Variants in ADGRF1 observed in about 807,000 individuals in gnomAD.
ADGRF1 encodes the protein G protein-coupled receptor 110.
In ADGRF1, 85 loss-of-function variants were observed where a neutral mutation model predicts 87.2. That is an observed-to-expected ratio of 0.97 (90% CI 0.82 to 1.17). ADGRF1 has a LOEUF of 1.17. ADGRF1 is among the 50% of genes most tolerant of loss of function. The pLI is 0.00. For synonymous variants in ADGRF1, 430 were observed against 408.8 expected (o/e 1.05, Z -0.63); for missense variants, 1,169 against 1,077.2 (o/e 1.09, Z -1.19).
intron 6 of ADGRF1, among the ~76,000 whole-genome samples, chr6:47,021,599 G>A (rs1331519869): frequency 6.6e-6 from 1 of 152,092 alleles, no homozygotes; most frequent in African/African-American, 2.4e-5. Flanking sequence ...GACCTCAAGT[G>A]ATCTGCCTGC....
At chr6:47,011,027 A>G (rs1779689902) in intron 10 of ADGRF1, among the ~76,000 whole-genome samples, 1 of 152,164 alleles carries the variant, frequency 6.6e-6, no homozygotes, top group African/African-American at 2.4e-5. Flanking sequence ...TCTTACTCTG[A>G]CCCAGCCCTC....
chr6:47,025,419 T>G (rs1780199109), intron 4 of ADGRF1, among the ~76,000 whole-genome samples: 1 of 152,212 alleles, frequency 6.6e-6, no homozygotes, highest in Admixed American at 6.5e-5. Context: ...AATCCCACCT[T>G]TGTGCTTATT....
intron 1 of ADGRF1, 116 bp from the exon 2 acceptor site, chr6:47,029,220 TTA>T: frequency 1.6e-6 from 1 of 614,248 alleles, no homozygotes; most frequent in African/African-American, 1.8e-5. Flanking sequence ...CCCTGGGTGT[TTA>T]TGTTTCCACT....
At position 47,009,055 on chromosome 6, in the gene ADGRF1, G is replaced by A. The variant is rs1426261468; in HGVS notation, c.2380C>T (p.Leu794Phe). Residue 794 changes from leucine to phenylalanine, a missense_variant, in exon 11 of 15, where the codon CTC (leucine) becomes TTC (phenylalanine). Physicochemically the swap from Leu to Phe is conservative, Grantham distance 22. Coordinates refer to ENST00000371253, the MANE Select transcript of ADGRF1 (RefSeq NM_153840.4). ...AGCCCTAGCAGAGGGGTCAGAATGA[G>A]GAGGCTCTTCCCCACGCGGATGATG... ...ATIIRVGKSL[L>F]ILTPLLGLTW... 6.2e-7 allele frequency: 1 copy of A among 1,613,946 alleles called. No homozygotes were observed. Among genetic ancestry groups the A allele is most frequent in the African/African-American group, 1.3e-5 (1 of 74,906 alleles).
intron 3 of ADGRF1, 112 bp from the exon 4 acceptor site, chr6:47,026,115 G>A: frequency 1.2e-6 from 1 of 868,106 alleles, no homozygotes; most frequent in East Asian, 2.5e-5. Flanking sequence ...CTACCATGCT[G>A]CTTGTTCCTG....
At chr6:47,036,186 C>T (rs751508734) in intron 1 of ADGRF1, among the ~76,000 whole-genome samples, 5 of 151,832 alleles carry the variant, frequency 3.3e-5, no homozygotes, top group South Asian at 2.1e-4. Flanking sequence ...GCCAAGATCG[C>T]GCCACTGCAC....
In ADGRF1 at chr6:47,009,086, C is replaced by T; in HGVS notation, c.2349G>A (p.Lys783=). The change falls in exon 11 of 15, where the codon AAG becomes AAA. Residue 783 remains lysine (K), a synonymous_variant. Transcript: ENST00000371253. The part of the protein sequence containing the change: ...TVGERLSRDD[K]ATIIRVGKSL... ...TCTTCCCCACGCGGATGATGGTGGC[C>T]TTGTCATCCCGACTCAGTCTTTCCC... 6.2e-7 allele frequency: 1 copy of T among 1,614,114 alleles called. No individual in the cohort carries two copies. Among genetic ancestry groups the T allele is most frequent in the Non-Finnish European group, 8.5e-7 (1 of 1,180,014 alleles).
rs549509758 is a variant in ADGRF1, at chr6:47,005,702, G to A, written c.2592+115C>T. 4.3e-5 allele frequency: 28 copies of A among 645,184 alleles called. No individual in the cohort carries two copies. The East Asian group carries it at 7.4e-4, about 17-fold the overall frequency. 40.0% of individuals were successfully genotyped at this position (645,184 alleles called of 1,614,324 possible). ...CATGTCAGATACCAGGAATATAATGGTGAAAGAAATTCAAGGGGTTTACAC... is the reference window on the plus strand; with the variant it reads ...CATGTCAGATACCAGGAATATAATGATGAAAGAAATTCAAGGGGTTTACAC... On this transcript the variant is annotated intron_variant, in intron 13 of 14. Coordinates refer to ENST00000371253, the MANE Select transcript of ADGRF1 (RefSeq NM_153840.4).
chr6:47,000,790 A>G (rs1779341722), intron 14 of ADGRF1, among the ~76,000 whole-genome samples: 4 of 152,232 alleles, frequency 2.6e-5, no homozygotes, highest in Admixed American at 2.0e-4. Context: ...TACATTAATG[A>G]TGACATTAAC....
chr6:47,010,127 CACTGGA>C lies in ADGRF1; in HGVS notation c.1302_1307del (p.Ile434_Val436delinsMet). Reference sequence around the variant, plus strand: ...AACCCCTTTTGAGTTGGCTTTTGTTCACTGGAATCCCTTTCCAGTCAATGAATTTCC... The same window carrying C: ...AACCCCTTTTGAGTTGGCTTTTGTTCATCCCTTTCCAGTCAATGAATTTCC... On this transcript the variant is annotated inframe_deletion, in exon 11 of 15. Transcript: ENST00000371253. 6.2e-7 allele frequency: 1 copy of C among 1,614,132 alleles called. No individual in the cohort carries two copies. The highest frequency in any genetic ancestry group is 8.5e-7 in the Non-Finnish European group (1 of 1,180,026).
At position 47,012,168 on chromosome 6, in the gene ADGRF1, T is replaced by C. The variant is rs1344964830; in HGVS notation, c.955A>G (p.Thr319Ala). The change falls in exon 10 of 15, where the codon ACT becomes GCT. Residue 319 changes from threonine (T) to alanine (A), a missense_variant. Transcript: ENST00000371253. ...ACGAAGGATGACACAGCTGCCTCAG[T>C]GGCATTGCCTACAATCATACTGAAA... ...KNFSMIVGNA[T>A]EAAVSSFVQN... 1 of 1,613,546 alleles carries C rather than the reference T, an allele frequency of 6.2e-7. No homozygotes were observed. The highest frequency in any genetic ancestry group is 1.3e-5 in the African/African-American group (1 of 74,930).
In ADGRF1 at chr6:47,020,248, C is replaced by T. The variant is rs147855110; in HGVS notation, c.611+483G>A. The stretch of plus-strand genomic sequence containing the variant: ...GTGGCTCATGCCTGTAATCCCAGCA[C>T]TTTGGGGGCCGAGGCAGGCGGATCA... On this transcript the variant is annotated intron_variant, in intron 7 of 14. Coordinates refer to ENST00000371253, the MANE Select transcript of ADGRF1 (RefSeq NM_153840.4). 1.1e-4 allele frequency: 139 copies of T among 1,281,098 alleles called. No individual in the cohort carries two copies. The African/African-American group carries it at 2.0e-3, about 18-fold the overall frequency. The allele number at this position is 1,281,098 out of a possible 1,614,324, so 79.4% of individuals were successfully genotyped here.
chr6:46,999,859 A>T lies in ADGRF1; in HGVS notation c.*363T>A, dbSNP rs890386487. 3 of 159,066 alleles carry T rather than the reference A, an allele frequency of 1.9e-5. No individual in the cohort carries two copies. The highest frequency in any genetic ancestry group is 7.2e-5 in the African/African-American group (3 of 41,730). The allele number at this position is 159,066 out of a possible 1,614,324, so 9.9% of individuals were successfully genotyped here. ...GTGGCCTATTAATTTATCTAAAGCT[A>T]TTTCATAAAATTTTCTTCCTTCAAT... On this transcript the variant is annotated 3_prime_UTR_variant, in exon 15 of 15. Coordinates refer to ENST00000371253, the MANE Select transcript of ADGRF1 (RefSeq NM_153840.4).
At chr6:47,013,661 C>T in intron 9 of ADGRF1, 6 of 985,342 alleles carry the variant, frequency 6.1e-6, no homozygotes, top group Non-Finnish European at 7.2e-6. Flanking sequence ...GGGCATAGCA[C>T]CTGATGTGGT....
At chr6:47,036,369 C>T (rs771618435) in intron 1 of ADGRF1, among the ~76,000 whole-genome samples, 2 of 152,184 alleles carry the variant, frequency 1.3e-5, no homozygotes, top group African/African-American at 2.4e-5. Context: ...AACAAAACTG[C>T]ACACGTACCC....
In ADGRF1 at chr6:47,013,211, C is replaced by A. The variant is rs1266295589; in HGVS notation, c.928-1016G>T. 8 of 985,430 alleles carry A rather than the reference C, an allele frequency of 8.1e-6. No homozygotes were observed. In the South Asian group the frequency reaches 2.8e-4, roughly 35 times the overall value. 61.0% of individuals were successfully genotyped at this position (985,430 alleles called of 1,614,324 possible). ...CAGGCGCCCAAGTGCCCGCCATTTT[C>A]CTTCTTGTTCTTCTCAACTGACAAT... is the stretch of plus-strand genomic sequence containing the variant. On this transcript the variant is annotated intron_variant, in intron 9 of 14. Coordinates refer to ENST00000371253, the MANE Select transcript of ADGRF1 (RefSeq NM_153840.4).
intron 1 of ADGRF1, among the ~76,000 whole-genome samples, chr6:47,038,136 C>T (rs2113913028): frequency 6.6e-6 from 1 of 152,334 alleles, no homozygotes; most frequent in African/African-American, 2.4e-5. Context: ...GCTGGGATTA[C>T]AGGCGTGAGG....
At chr6:47,011,669 C>T (rs1281851449) in intron 10 of ADGRF1, among the ~76,000 whole-genome samples, 4 of 152,132 alleles carry the variant, frequency 2.6e-5, no homozygotes, top group Non-Finnish European at 2.9e-5. Context: ...TTAAAATATA[C>T]ACTGTTCAAG....
chr6:46,997,886 A>C lies in ADGRF1; in HGVS notation c.*2336T>G, dbSNP rs528266931. ...CTTTTTCTTCCATCAGATACATTCCAGTTGTATGCCAACATACTCAGGTAA... is the reference window on the plus strand; with the variant it reads ...CTTTTTCTTCCATCAGATACATTCCCGTTGTATGCCAACATACTCAGGTAA... On this transcript the variant is annotated 3_prime_UTR_variant, in exon 15 of 15. Transcript: ENST00000371253. 4 of 152,290 alleles carry C rather than the reference A, an allele frequency of 2.6e-5. No individual in the cohort carries two copies. The highest frequency in any genetic ancestry group is 9.6e-5 in the African/African-American group (4 of 41,562). The allele number at this position is 152,290 out of a possible 1,614,324, so 9.4% of individuals were successfully genotyped here. A position where few individuals can be genotyped will look rare whatever the true frequency, so the allele number is the denominator to read the frequency against.
Sources: gnomAD v4.1 joint callset for allele counts (sites outside exome capture counted in the v4.1 genomes callset) on GRCh38, gnomAD v4.1.1 for gene constraint, MANE v1.5 for transcripts, NCBI Gene and HGNC (gene_info 2026-07-23, HGNC 2026-07-21) for gene names.